The following MYT1L variants were observed in gnomAD, a reference collection of about 807,000 sequenced individuals.
MYT1L encodes myelin transcription factor 1 like.
MYT1L carries 12 observed loss-of-function variants against 126.7 expected under a neutral mutation model. That is an observed-to-expected ratio of 0.09 (90% CI 0.06 to 0.15). The LOEUF (loss-of-function observed/expected upper bound fraction) is 0.15. MYT1L is among the 10% of genes least tolerant of loss of function. MYT1L has a pLI of 1.00. For synonymous variants in MYT1L, 541 were observed against 604.2 expected, an observed-to-expected ratio of 0.90 and a Z score of 1.53; for missense variants, 979 against 1,585.2, an observed-to-expected ratio of 0.62 and a Z score of 6.49.
intron 4 of MYT1L, among the ~76,000 whole-genome samples, chr2:2,003,927 C>CTTCTTTCCTGCATGAG (rs1268970403): frequency 2.6e-5 from 4 of 151,576 alleles, no homozygotes; most frequent in East Asian, 1.9e-4. Flanking sequence ...TCGTGCATGC[C>CTTCTTTCCTGCATGAG]TTCTTTCCTG....
intron 1 of MYT1L, among the ~76,000 whole-genome samples, chr2:2,317,560 G>A (rs2096087820): frequency 6.6e-6 from 1 of 151,950 alleles, no homozygotes. Flanking sequence ...TCATTGTCTA[G>A]GTTGACTATG....
Position 1,923,214 on chromosome 2 carries a change from T to C in MYT1L, c.555A>G (p.Glu185=). Residue 185 remains glutamate, a synonymous_variant, in exon 10 of 25, where the codon GAA becomes GAG. Transcript: ENST00000647738. ...ATTCGTCATTATTGTTATCATCCTT[T>C]TCTGTGTCTTGCATTATTCGAGTAT... ...CHNTRIMQDT[E]KDDNNNDEYD... is the part of the protein sequence containing the mutation. 2 of 1,611,792 alleles carry C rather than the reference T, an allele frequency of 1.2e-6. No homozygotes were observed. The highest frequency in any genetic ancestry group is 1.7e-6 in the Non-Finnish European group (2 of 1,178,658).
rs2043426757 is a variant in MYT1L at position 1,852,679 on chromosome 2, T to G, written c.2712-976A>C. On this transcript the variant is annotated intron_variant, in intron 18 of 24. Transcript: ENST00000647738. The surrounding 1 kb of genome is among the most constrained non-coding windows in gnomAD (Gnocchi z 4.0). ...ATGAATGTAAAAATTAAGAAAAAAT[T>G]CCCTTTATTTCCATTACATTTGTAA... Among the ~76,000 whole-genome samples the G allele has an allele frequency of 6.6e-6, 1 of 152,038 alleles. No homozygotes were observed. The highest frequency in any genetic ancestry group is 1.5e-5 in the Non-Finnish European group (1 of 68,012).
intron 4 of MYT1L, among the ~76,000 whole-genome samples, chr2:2,043,839 A>G (rs1471302576): frequency 1.3e-5 from 2 of 152,256 alleles, no homozygotes; most frequent in Non-Finnish European, 2.9e-5. Context: ...TACCATGACT[A>G]AAATAAATAT....
intron 13 of MYT1L, among the ~76,000 whole-genome samples, chr2:1,908,241 T>A (rs751511366): frequency 5.9e-5 from 9 of 151,464 alleles, no homozygotes; most frequent in Non-Finnish European, 8.8e-5. Context: ...AACATCGGAG[T>A]GGAGGCTGTG....
chr2:2,192,852 C>T lies in MYT1L; in HGVS notation c.-420-19864G>A, dbSNP rs117160801. Among the ~76,000 whole-genome samples the T allele has an allele frequency of 2.8e-4, 43 of 152,230 alleles. No homozygotes were observed. The East Asian group carries it at 6.8e-3, about 24-fold the overall frequency. ...GCAGTTGGCTTGGGAATCTAGCCAACGAGTCAAGGCTTGAGGACCTGTCTG... is the reference window on the plus strand; with the variant it reads ...GCAGTTGGCTTGGGAATCTAGCCAATGAGTCAAGGCTTGAGGACCTGTCTG... On this transcript the variant is annotated intron_variant, in intron 2 of 24. Coordinates refer to ENST00000647738, the MANE Select transcript of MYT1L (RefSeq NM_001303052.2).
At position 1,872,289 on chromosome 2, in the gene MYT1L, CAT is replaced by C. The variant is rs563600989; in HGVS notation, c.2711+14248_2711+14249del. ...TCCATCACGTTCTCACCCTCACACA[CAT>C]GTCATCCAACGAAAGGTAGAACTGA... On this transcript the variant is annotated intron_variant, in intron 18 of 24. Coordinates refer to ENST00000647738, the MANE Select transcript of MYT1L (RefSeq NM_001303052.2). Among the ~76,000 whole-genome samples the C allele has an allele frequency of 1.1e-4, 17 of 152,328 alleles. No individual in the cohort carries two copies. In the East Asian group the frequency reaches 1.5e-3, roughly 14 times the overall value.
At chr2:1,919,409 C>T (rs528370255) in intron 10 of MYT1L, among the ~76,000 whole-genome samples, 2 of 152,226 alleles carry the variant, frequency 1.3e-5, no homozygotes, top group African/African-American at 4.8e-5. Context: ...CCTTTTGCAA[C>T]AACTTACAGA....
chr2:1,846,824 G>A (rs182374753), intron 19 of MYT1L, among the ~76,000 whole-genome samples: 35 of 152,316 alleles, frequency 2.3e-4, no homozygotes, highest in African/African-American at 8.2e-4. Flanking sequence ...GACAGGGTTG[G>A]ACAAGCACCA....
In MYT1L at chr2:1,848,963, C is replaced by T. The variant is rs1173303967; in HGVS notation, c.2774+2678G>A. ...TCTCAGATTTGTCAAACACAAATCA[C>T]ACTTACTTTCCAACTCCATTGACTT... On this transcript the variant is annotated intron_variant, in intron 19 of 24. Transcript: ENST00000647738. The surrounding 1 kb of genome is among the most constrained non-coding windows in gnomAD (Gnocchi z 4.8). Among the ~76,000 whole-genome samples, 1 of 152,204 alleles carries T rather than the reference C, an allele frequency of 6.6e-6. No homozygotes were observed. Among genetic ancestry groups the T allele is most frequent in the East Asian group, 1.9e-4 (1 of 5,204 alleles).
At chr2:2,327,144 C>A (rs2149735815) in intron 1 of MYT1L, 1 of 152,234 alleles carries the variant, frequency 6.6e-6, no homozygotes, top group African/African-American at 2.4e-5. Flanking sequence ...GTTATGGTCA[C>A]TATAGGCAAT....
rs144326135 is a variant in MYT1L at position 2,297,833 on chromosome 2, A to T, written c.-520-13330T>A. On this transcript the variant is annotated intron_variant, in intron 1 of 24. Coordinates refer to ENST00000647738, the MANE Select transcript of MYT1L (RefSeq NM_001303052.2). ...AGAAACAGGAGCCCCAAATTTTGGT[A>T]AAGCAAAACCACTCTGCTCTCTCCC... is the stretch of plus-strand genomic sequence containing the variant. Among the ~76,000 whole-genome samples the T allele has an allele frequency of 6.4e-3, 976 of 152,268 alleles. 10 individuals carry two copies. Among genetic ancestry groups the T allele is most frequent in the African/African-American group, 0.022 (928 of 41,560 alleles).
At chr2:1,795,821 G>C (rs1241535594) in intron 23 of MYT1L, 1 of 152,228 alleles carries the variant, frequency 6.6e-6, no homozygotes, top group Non-Finnish European at 1.5e-5. Context: ...TCCCAAGAAA[G>C]TTCCTGCATC....
intron 23 of MYT1L, among the ~76,000 whole-genome samples, chr2:1,797,977 C>T (rs74466934): frequency 3.0e-5 from 1 of 33,728 alleles, no homozygotes; most frequent in Admixed American, 4.7e-4. Flanking sequence ...GGCACAGGCG[C>T]GGCGGTCTCC....
chr2:1,798,856 G>A (rs1248866349), intron 23 of MYT1L, among the ~76,000 whole-genome samples: 2 of 152,196 alleles, frequency 1.3e-5, no homozygotes, highest in Non-Finnish European at 2.9e-5. Flanking sequence ...GGCAGTGGCC[G>A]AGGCACAGGC....
chr2:1,833,003 T>C lies in MYT1L; in HGVS notation c.3080+6146A>G, dbSNP rs151076027. ...ATCGGTGCTGGTGGAGGCATGTCTG[T>C]CTGTGTCGGCCGAATGAGATGAATG... On this transcript the variant is annotated intron_variant, in intron 21 of 24. Coordinates refer to ENST00000647738, the MANE Select transcript of MYT1L (RefSeq NM_001303052.2). 8.0e-3 allele frequency among the ~76,000 whole-genome samples: 1,224 copies of C among 152,286 alleles called. 8 individuals are homozygous for C. Among genetic ancestry groups the C allele is most frequent in the African/African-American group, 0.028 (1,149 of 41,562 alleles).
At position 1,904,960 on chromosome 2, in the gene MYT1L, A is replaced by AT. The variant is rs955858801; in HGVS notation, c.1818-1667dup. 5.8e-3 allele frequency among the ~76,000 whole-genome samples: 846 copies of AT among 145,586 alleles called. 4 individuals are homozygous for AT. The highest frequency in any genetic ancestry group is 0.02 in the African/African-American group (785 of 38,652). On this transcript the variant is annotated intron_variant, in intron 13 of 24. Transcript: ENST00000647738. ...AGGCACCTGCCACTGTGCCCAGCTAATTTTTTTTTGTATTTTTAGTAGAGA... is the reference window on the plus strand; with the variant it reads ...AGGCACCTGCCACTGTGCCCAGCTAATTTTTTTTTTGTATTTTTAGTAGAGA...
intron 3 of MYT1L, among the ~76,000 whole-genome samples, chr2:2,079,277 TA>T (rs1337656427): frequency 6.6e-6 from 1 of 152,054 alleles, no homozygotes; most frequent in Non-Finnish European, 1.5e-5. Flanking sequence ...CATCTGGAAA[TA>T]AATTTAACAA....
At chr2:2,193,273 C>T (rs889565588) in intron 2 of MYT1L, among the ~76,000 whole-genome samples, 2 of 152,108 alleles carry the variant, frequency 1.3e-5, no homozygotes, top group Admixed American at 6.6e-5. Flanking sequence ...ACACCATGCC[C>T]GGAGACTCCA....
Sources: allele counts gnomAD v4.1 joint callset (sites outside exome capture counted in the v4.1 genomes callset), GRCh38; gene constraint gnomAD v4.1.1; non-coding constraint Gnocchi (gnomAD v3.1); transcripts MANE v1.5; gene names NCBI Gene and HGNC (gene_info 2026-07-23, HGNC 2026-07-21).